Variants in SHISA6 observed in about 807,000 individuals in gnomAD.
SHISA6 encodes shisa family member 6, also known as protein shisa-6.
Under a neutral mutation model 47.9 loss-of-function variants are expected in SHISA6, and 22 were observed. That is an observed-to-expected ratio of 0.46 (90% CI 0.33 to 0.66). The LOEUF (loss-of-function observed/expected upper bound fraction) is 0.66. Ranked by LOEUF, SHISA6 falls within the 30% of genes least tolerant of loss-of-function variation. The pLI, the probability that SHISA6 is intolerant of heterozygous loss-of-function variation, is 0.02. For missense variants in SHISA6, 680 were observed against 764.6 expected (o/e 0.89, Z 1.30); for synonymous variants, 388 against 337.8 (o/e 1.15, Z -1.63).
chr17:11,397,649 C>T (rs972430117), intron 3 of SHISA6, among the ~76,000 whole-genome samples: 4 of 151,546 alleles, frequency 2.6e-5, no homozygotes, highest in African/African-American at 9.7e-5. Context: ...AATGCTGTCC[C>T]ATTGTTGCCT....
chr17:11,556,227 T>C (rs1048513732), intron 5 of SHISA6, among the ~76,000 whole-genome samples: 1 of 152,174 alleles, frequency 6.6e-6, no homozygotes, highest in Admixed American at 6.5e-5. Context: ...GGGCCTTCCT[T>C]GCTGTATACC....
At chr17:11,302,661 C>A (rs192181088) in intron 2 of SHISA6, among the ~76,000 whole-genome samples, 1 of 152,268 alleles carries the variant, frequency 6.6e-6, no homozygotes, top group Admixed American at 6.5e-5. Flanking sequence ...AACATCTGGA[C>A]CAGTCCAAGC....
chr17:11,509,718 C>T (rs779648685), intron 3 of SHISA6, among the ~76,000 whole-genome samples: 4 of 152,136 alleles, frequency 2.6e-5, no homozygotes, highest in Middle Eastern at 3.2e-3. Context: ...AGACTTTCCT[C>T]GGAGGAAATG....
chr17:11,355,220 G>A (rs906522816), intron 2 of SHISA6, among the ~76,000 whole-genome samples: 32 of 152,180 alleles, frequency 2.1e-4, no homozygotes, highest in African/African-American at 7.5e-4. Flanking sequence ...CCTCAGCCCC[G>A]AAGTAACTGA....
At chr17:11,528,780 G>A (rs571000294) in intron 3 of SHISA6, among the ~76,000 whole-genome samples, 1 of 152,322 alleles carries the variant, frequency 6.6e-6, no homozygotes, top group South Asian at 2.1e-4. Context: ...ACAGAAGCCT[G>A]CATGACACAG....
intron 2 of SHISA6, among the ~76,000 whole-genome samples, chr17:11,291,306 G>A (rs1218234271): frequency 6.6e-6 from 1 of 151,998 alleles, no homozygotes; most frequent in Non-Finnish European, 1.5e-5. Context: ...TGCATTAGTT[G>A]GGTAGGGCTG....
At chr17:11,342,447 C>T (rs1162059324) in intron 2 of SHISA6, among the ~76,000 whole-genome samples, 1 of 152,042 alleles carries the variant, frequency 6.6e-6, no homozygotes, top group Non-Finnish European at 1.5e-5. Context: ...CACAGGGACT[C>T]TTCCCATCAG....
chr17:11,327,919 CTG>C (rs201324599), intron 2 of SHISA6, among the ~76,000 whole-genome samples: 1 of 151,316 alleles, frequency 6.6e-6, no homozygotes, highest in Non-Finnish European at 1.5e-5. Context: ...CTCTCTCTCT[CTG>C]TCTCTCTCTC....
intron 2 of SHISA6, among the ~76,000 whole-genome samples, chr17:11,306,846 T>C (rs373475236): frequency 2.3e-4 from 35 of 152,236 alleles, no homozygotes; most frequent in East Asian, 1.7e-3. Flanking sequence ...TTCTTTGACC[T>C]ATCCCCATCT....
intron 2 of SHISA6, among the ~76,000 whole-genome samples, chr17:11,352,644 A>G (rs1208834414): frequency 6.6e-6 from 1 of 152,166 alleles, no homozygotes; most frequent in Admixed American, 6.5e-5. Flanking sequence ...CCAGAGCACC[A>G]ACGTTCCAGC....
chr17:11,477,271 A>G (rs932386731), intron 3 of SHISA6, among the ~76,000 whole-genome samples: 15 of 152,086 alleles, frequency 9.9e-5, no homozygotes, highest in Non-Finnish European at 1.6e-4. Context: ...GCAATTACTG[A>G]TATAGTTGGA....
At chr17:11,292,140 C>T (rs969500422) in intron 2 of SHISA6, among the ~76,000 whole-genome samples, 7 of 152,064 alleles carry the variant, frequency 4.6e-5, no homozygotes, top group African/African-American at 1.7e-4. Context: ...TTGACCATCT[C>T]CCCACTCCCC....
chr17:11,354,415 C>T lies in SHISA6; in HGVS notation c.800-24999C>T, dbSNP rs570724394. ...CTCTGCCACCACACAGGATGGAGGCCGGATGATGGCAGGGATGCTACCAGG... is the reference window on the plus strand; with the variant it reads ...CTCTGCCACCACACAGGATGGAGGCTGGATGATGGCAGGGATGCTACCAGG... On this transcript the variant is annotated intron_variant, in intron 2 of 5. Transcript: ENST00000441885. Among the ~76,000 whole-genome samples the T allele has an allele frequency of 3.3e-5, 5 of 152,232 alleles. 1 individual carries two copies. Among genetic ancestry groups the T allele is most frequent in the African/African-American group, 1.2e-4 (5 of 41,528 alleles).
At position 11,321,812 on chromosome 17, in the gene SHISA6, T is replaced by C. The variant is rs562116695; in HGVS notation, c.800-57602T>C. Reference sequence around the variant, plus strand: ...CAGGCTGCATGAAGCCCAGGATGGCTTTGAATGTGGCCCAACACAAATTCC... The same window carrying C: ...CAGGCTGCATGAAGCCCAGGATGGCCTTGAATGTGGCCCAACACAAATTCC... On this transcript the variant is annotated intron_variant, in intron 2 of 5. Transcript: ENST00000441885. Among the ~76,000 whole-genome samples, 12 of 152,322 alleles carry C rather than the reference T, an allele frequency of 7.9e-5. 1 individual carries two copies. The highest frequency in any genetic ancestry group is 2.6e-4 in the African/African-American group (11 of 41,574).
intron 2 of SHISA6, among the ~76,000 whole-genome samples, chr17:11,371,180 G>C (rs189834708): frequency 2.9e-3 from 435 of 152,272 alleles, no homozygotes; most frequent in Non-Finnish European, 3.6e-3. Context: ...AGTTTACCTC[G>C]GTAAGAGCAA....
At chr17:11,337,851 A>G (rs529467154) in intron 2 of SHISA6, among the ~76,000 whole-genome samples, 20 of 152,286 alleles carry the variant, frequency 1.3e-4, no homozygotes, top group African/African-American at 4.8e-4. Context: ...CCCGATGTGT[A>G]ATAATTATTA....
chr17:11,423,665 C>T (rs547806496), intron 3 of SHISA6, among the ~76,000 whole-genome samples: 5 of 151,754 alleles, frequency 3.3e-5, no homozygotes, highest in South Asian at 2.1e-4. Flanking sequence ...AAGAACGTTC[C>T]ACAAAAGATC....
intron 4 of SHISA6, among the ~76,000 whole-genome samples, chr17:11,553,988 G>T (rs2071953197): frequency 6.6e-6 from 1 of 152,190 alleles, no homozygotes; most frequent in Admixed American, 6.5e-5. Context: ...CAGAAGGCAA[G>T]GGAGAGCTGG....
At chr17:11,244,169 T>G (rs1379196558) in intron 1 of SHISA6, among the ~76,000 whole-genome samples, 1 of 152,176 alleles carries the variant, frequency 6.6e-6, no homozygotes, top group Non-Finnish European at 1.5e-5. Context: ...GGGAGATGAA[T>G]TTCAGGCCTC....
Sources: allele counts gnomAD v4.1 joint callset (sites outside exome capture counted in the v4.1 genomes callset), GRCh38; gene constraint gnomAD v4.1.1; transcripts MANE v1.5; gene names NCBI Gene and HGNC (gene_info 2026-07-23, HGNC 2026-07-21).